Variants in ZNF148 observed in about 807,000 individuals in gnomAD.
ZNF148 encodes the protein zinc finger protein 148.
ZNF148 carries 7 observed loss-of-function variants against 67.7 expected under a neutral mutation model. That is an observed-to-expected ratio of 0.10 (90% confidence interval 0.06 to 0.19). The LOEUF is 0.19. ZNF148 is among the 10% of genes least tolerant of loss of function. The pLI is 1.00. For synonymous variants in ZNF148, 333 were observed against 330.7 expected (o/e 1.01, Z -0.08); for missense variants, 583 against 947.1 (o/e 0.62, Z 5.05).
chr3:125,341,495 C>G (rs1365071675), intron 1 of ZNF148, among the ~76,000 whole-genome samples: 1 of 152,048 alleles, frequency 6.6e-6, no homozygotes, highest in Non-Finnish European at 1.5e-5. Context: ...GTGGCACACA[C>G]CTGTAGTCCC....
intron 1 of ZNF148, among the ~76,000 whole-genome samples, chr3:125,373,180 C>T (rs968005389): frequency 6.6e-6 from 1 of 150,776 alleles, no homozygotes; most frequent in Non-Finnish European, 1.5e-5. Context: ...CATGGTGGTT[C>T]ACACCTGTAA....
intron 7 of ZNF148, among the ~76,000 whole-genome samples, chr3:125,254,801 CTT>C (rs1260773237): frequency 6.6e-6 from 1 of 152,038 alleles, no homozygotes; most frequent in Non-Finnish European, 1.5e-5. Flanking sequence ...GAATCTAACT[CTT>C]TACATGAAAG....
intron 1 of ZNF148, among the ~76,000 whole-genome samples, chr3:125,372,663 C>T (rs1942928699): frequency 6.6e-6 from 1 of 152,144 alleles, no homozygotes; most frequent in Admixed American, 6.5e-5. Context: ...TCCCTCAGAA[C>T]AATTTTATAA....
intron 1 of ZNF148, among the ~76,000 whole-genome samples, chr3:125,343,090 C>A (rs959934955): frequency 2.0e-5 from 3 of 152,196 alleles, no homozygotes; most frequent in Non-Finnish European, 4.4e-5. Flanking sequence ...AGAAATGTAA[C>A]AATTTCTGTA....
intron 1 of ZNF148, among the ~76,000 whole-genome samples, chr3:125,370,848 A>G (rs554466785): frequency 3.3e-5 from 5 of 152,250 alleles, no homozygotes; most frequent in Admixed American, 3.3e-4. Context: ...TAGTCTCATC[A>G]CCATAAGGTA....
intron 1 of ZNF148, among the ~76,000 whole-genome samples, chr3:125,369,484 C>T (rs1441749339): frequency 6.7e-6 from 1 of 149,962 alleles, no homozygotes; most frequent in Non-Finnish European, 1.5e-5. Flanking sequence ...CCCCTTCCCC[C>T]AACAGCACAC....
At chr3:125,326,757 T>C (rs1481305981) in intron 2 of ZNF148, among the ~76,000 whole-genome samples, 1 of 147,636 alleles carries the variant, frequency 6.8e-6, no homozygotes, top group Non-Finnish European at 1.5e-5. Context: ...TATATATACA[T>C]ATAAAGATAT....
intron 1 of ZNF148, chr3:125,344,672 C>A (rs1941870901): frequency 4.6e-6 from 3 of 655,412 alleles, no homozygotes; most frequent in Non-Finnish European, 8.5e-6. Flanking sequence ...TTTTGATTTT[C>A]TCTCTGCTTC....
chr3:125,375,054 C>T (rs1943022797), intron 1 of ZNF148, 48 bp downstream of exon 1: 2 of 151,520 alleles, frequency 1.3e-5, no homozygotes, highest in African/African-American at 4.8e-5. Flanking sequence ...CCCCCTCCCC[C>T]TCCCCCGCCC....
At chr3:125,301,568 A>G (rs943105728) in intron 4 of ZNF148, among the ~76,000 whole-genome samples, 1 of 152,226 alleles carries the variant, frequency 6.6e-6, no homozygotes, top group African/African-American at 2.4e-5. Context: ...ACTAACCAAA[A>G]TAAGTTAACA....
chr3:125,359,201 T>C (rs1579900070), intron 1 of ZNF148, among the ~76,000 whole-genome samples: 1 of 152,266 alleles, frequency 6.6e-6, no homozygotes, highest in East Asian at 1.9e-4. Context: ...ACACTCTGAG[T>C]CTCCAGAGAT....
intron 4 of ZNF148, chr3:125,292,464 C>T (rs2107633547): frequency 6.6e-6 from 1 of 152,250 alleles, no homozygotes; most frequent in Middle Eastern, 3.4e-3. Flanking sequence ...AGTTACCTTA[C>T]CTGAAACAGT....
chr3:125,306,403 TAAGAA>T (rs1200225922), intron 4 of ZNF148, among the ~76,000 whole-genome samples: 1 of 151,818 alleles, frequency 6.6e-6, no homozygotes, highest in Non-Finnish European at 1.5e-5. Flanking sequence ...CCAGTCTAAT[TAAGAA>T]AAAGAAAAAT....
chr3:125,266,840 G>C (rs1937541617), intron 7 of ZNF148, among the ~76,000 whole-genome samples: 1 of 151,846 alleles, frequency 6.6e-6, no homozygotes, highest in African/African-American at 2.4e-5. Context: ...ATTCAAATAA[G>C]CACAATCAGA....
At chr3:125,261,628 T>TA (rs1579646381) in intron 7 of ZNF148, among the ~76,000 whole-genome samples, 1 of 152,094 alleles carries the variant, frequency 6.6e-6, no homozygotes, top group East Asian at 1.9e-4. Context: ...ACCTAAGTAC[T>TA]AAACGACATG....
chr3:125,237,228 AAGG>A (rs1936130683), intron 7 of ZNF148, among the ~76,000 whole-genome samples: 1 of 152,162 alleles, frequency 6.6e-6, no homozygotes, highest in Non-Finnish European at 1.5e-5. Flanking sequence ...ATGGGAAGGG[AAGG>A]AGATTACAGG....
Position 125,233,148 on chromosome 3 carries a change from C to T in ZNF148, c.1578G>A (p.Glu526=). The change falls in exon 9 of 9, where the codon GAG becomes GAA. Residue 526 remains glutamate (E), a synonymous_variant. Transcript: ENST00000360647. The surrounding 1 kb of genome is among the most constrained non-coding windows in gnomAD (Gnocchi z 5.1). ...SILESQALNV[E]IKSNHDKNVI... ...CATTTTTGTCATGATTACTCTTAAT[C>T]TCCACATTCAGTGCCTGTGACTCTA... 6.2e-7 allele frequency: 1 copy of T among 1,613,828 alleles called. No homozygotes were observed. The highest frequency in any genetic ancestry group is 2.2e-5 in the East Asian group (1 of 44,882).
intron 2 of ZNF148, among the ~76,000 whole-genome samples, chr3:125,324,766 T>C (rs1342790363): frequency 1.3e-5 from 2 of 152,232 alleles, no homozygotes; most frequent in Non-Finnish European, 2.9e-5. Context: ...ATTTCCTCTT[T>C]GAACTTCAGA....
At chr3:125,357,071 TC>T (rs1040485121) in intron 1 of ZNF148, 1 of 152,356 alleles carries the variant, frequency 6.6e-6, no homozygotes, top group East Asian at 1.9e-4. Flanking sequence ...TCATCAGCCT[TC>T]GGCGGCCCCC....
Sources: allele counts gnomAD v4.1 joint callset (sites outside exome capture counted in the v4.1 genomes callset), GRCh38; gene constraint gnomAD v4.1.1; non-coding constraint Gnocchi (gnomAD v3.1); transcripts MANE v1.5; gene names NCBI Gene and HGNC (gene_info 2026-07-23, HGNC 2026-07-21).